The following NLGN1 variants were observed in gnomAD, a reference collection of about 807,000 sequenced individuals.
NLGN1 encodes neuroligin-1.
Under a neutral mutation model 65.5 loss-of-function variants are expected in NLGN1, and 12 were observed. The ratio of observed to expected loss-of-function variants is 0.18; its 90% CI spans 0.12 to 0.30. The LOEUF is 0.30. Among genes scored for constraint, NLGN1 ranks in the 10% least tolerant of loss-of-function variants. The probability of loss-of-function intolerance (pLI) is 1.00; values close to 1 mark genes in which losing one functional copy is unlikely to be tolerated. For synonymous variants in NLGN1, 350 were observed against 359.5 expected, an observed-to-expected ratio of 0.97 and a Z score of 0.30; for missense variants, 750 against 1,007.1, an observed-to-expected ratio of 0.74 and a Z score of 3.46.
intron 2 of NLGN1, among the ~76,000 whole-genome samples, chr3:173,552,473 C>T (rs1375233537): frequency 6.6e-6 from 1 of 152,066 alleles, no homozygotes; most frequent in Non-Finnish European, 1.5e-5. Flanking sequence ...GGCATTGTTG[C>T]AGGACTTTTC....
At chr3:174,235,670 T>C (rs1741574996) in intron 4 of NLGN1, among the ~76,000 whole-genome samples, 1 of 152,148 alleles carries the variant, frequency 6.6e-6, no homozygotes, top group South Asian at 2.1e-4. Flanking sequence ...TGATTACAAA[T>C]AGGACATATA....
intron 4 of NLGN1, among the ~76,000 whole-genome samples, chr3:173,929,863 C>T (rs938493366): frequency 3.9e-5 from 6 of 151,994 alleles, no homozygotes; most frequent in Admixed American, 1.3e-4. Flanking sequence ...TGCCACCACG[C>T]CCAGCTAATT....
chr3:174,265,564 C>T (rs1254240828), intron 4 of NLGN1, among the ~76,000 whole-genome samples: 1 of 151,798 alleles, frequency 6.6e-6, no homozygotes. Flanking sequence ...CACCCACTGA[C>T]CTGCGCCCAC....
At chr3:173,452,526 T>G (rs1429278634) in intron 2 of NLGN1, among the ~76,000 whole-genome samples, 1 of 152,176 alleles carries the variant, frequency 6.6e-6, no homozygotes, top group East Asian at 1.9e-4. Flanking sequence ...TTCTTATTGC[T>G]ATGTTGACAT....
chr3:174,146,751 A>G (rs906225951), intron 4 of NLGN1, among the ~76,000 whole-genome samples: 1 of 151,908 alleles, frequency 6.6e-6, no homozygotes, highest in African/African-American at 2.4e-5. Flanking sequence ...TATTTTTAGT[A>G]GAGACGGGGT....
At chr3:174,223,137 A>C (rs1216802436) in intron 4 of NLGN1, among the ~76,000 whole-genome samples, 2 of 152,110 alleles carry the variant, frequency 1.3e-5, no homozygotes, top group Non-Finnish European at 2.9e-5. Context: ...GAGTTCTCAC[A>C]ATGATCAGAG....
At chr3:173,522,239 G>GATA (rs2149140114) in intron 2 of NLGN1, among the ~76,000 whole-genome samples, 1 of 152,284 alleles carries the variant, frequency 6.6e-6, no homozygotes, top group South Asian at 2.1e-4. Flanking sequence ...TTTCACGTAG[G>GATA]ATAATGGCCT....
intron 4 of NLGN1, among the ~76,000 whole-genome samples, chr3:173,987,065 C>A (rs924797238): frequency 2.0e-5 from 3 of 152,150 alleles, no homozygotes; most frequent in Non-Finnish European, 2.9e-5. Flanking sequence ...GCCCTGTAAG[C>A]TTGACCAGGC....
At chr3:173,716,553 T>A (rs1211505858) in intron 3 of NLGN1, among the ~76,000 whole-genome samples, 1 of 152,134 alleles carries the variant, frequency 6.6e-6, no homozygotes, top group Non-Finnish European at 1.5e-5. Context: ...TCAGAGCCCA[T>A]TCAGGTTTAT....
At chr3:174,124,574 CACATATATACGTATATATACGTAT>C (rs763176688) in intron 4 of NLGN1, among the ~76,000 whole-genome samples, 40,296 of 144,770 alleles carry the variant, frequency 0.28, 7,646 homozygotes, top group African/African-American at 0.55. Context: ...TATACGTATA[CACATATATACGTATATATACGTAT>C]ACATATATAC....
chr3:174,001,601 A>T (rs1164696138), intron 4 of NLGN1, among the ~76,000 whole-genome samples: 1 of 152,218 alleles, frequency 6.6e-6, no homozygotes, highest in Non-Finnish European at 1.5e-5. Flanking sequence ...ATTGGTTTAT[A>T]TTCTGCACCC....
At chr3:173,753,987 T>C (rs1776702609) in intron 3 of NLGN1, among the ~76,000 whole-genome samples, 1 of 109,406 alleles carries the variant, frequency 9.1e-6, no homozygotes, top group Non-Finnish European at 1.8e-5. Context: ...CTACTCAGTT[T>C]CTTCAAGTAC....
intron 2 of NLGN1, among the ~76,000 whole-genome samples, chr3:173,597,690 A>G (rs976138993): frequency 3.4e-5 from 2 of 58,510 alleles, no homozygotes; most frequent in Non-Finnish European, 8.1e-5. Context: ...ATGTAGGAAT[A>G]TACATATATA....
At chr3:174,160,761 C>T (rs1345275030) in intron 4 of NLGN1, among the ~76,000 whole-genome samples, 1 of 151,294 alleles carries the variant, frequency 6.6e-6, no homozygotes, top group Non-Finnish European at 1.5e-5. Context: ...TTCATCCCCC[C>T]AAGCATTTAT....
At chr3:174,115,178 G>A (rs924102422) in intron 4 of NLGN1, among the ~76,000 whole-genome samples, 30 of 152,270 alleles carry the variant, frequency 2.0e-4, no homozygotes, top group African/African-American at 7.0e-4. Flanking sequence ...GACTCAGTAC[G>A]TTGAAGTTAG....
chr3:174,181,778 T>TACACACACACACACACACACACAC (rs3035853), intron 4 of NLGN1, among the ~76,000 whole-genome samples: 15 of 142,682 alleles, frequency 1.1e-4, no homozygotes, highest in African/African-American at 2.1e-4. Flanking sequence ...AAAATAAAAA[T>TACACACACACACACACACACACAC]ACACACACAC....
intron 4 of NLGN1, among the ~76,000 whole-genome samples, chr3:173,828,018 C>CT (rs1459269365): frequency 6.6e-6 from 1 of 152,076 alleles, no homozygotes; most frequent in Non-Finnish European, 1.5e-5. Flanking sequence ...GTTTGACCAG[C>CT]TATCTGGGCA....
At chr3:173,686,618 A>T (rs1764716586) in intron 3 of NLGN1, among the ~76,000 whole-genome samples, 1 of 152,150 alleles carries the variant, frequency 6.6e-6, no homozygotes, top group Admixed American at 6.6e-5. Flanking sequence ...TCCCCCAGCC[A>T]TATAGACAAG....
chr3:173,752,770 C>G (rs1776490982), intron 3 of NLGN1, among the ~76,000 whole-genome samples: 1 of 152,100 alleles, frequency 6.6e-6, no homozygotes, highest in African/African-American at 2.4e-5. Context: ...GATTCTGCTA[C>G]TGTTCACCTG....
Sources: allele counts gnomAD v4.1 joint callset (sites outside exome capture counted in the v4.1 genomes callset), GRCh38; gene constraint gnomAD v4.1.1; transcripts MANE v1.5; gene names NCBI Gene and HGNC (gene_info 2026-07-23, HGNC 2026-07-21).